AFAP1: variants seen among roughly 807,000 people sequenced by gnomAD.
AFAP1 encodes actin filament-associated protein 1.
In AFAP1, 75 loss-of-function variants were observed where a neutral mutation model predicts 93.9. The observed-to-expected ratio is 0.80, with a 90% CI of 0.66 to 0.97. AFAP1 has a LOEUF of 0.97. AFAP1 is among the 50% of genes least tolerant of loss of function. AFAP1 has a pLI of 0.00. For missense variants in AFAP1, 1,201 were observed against 1,050.8 expected (o/e 1.14, Z -1.98); for synonymous variants, 517 against 430.7 (o/e 1.20, Z -2.48).
intron 1 of AFAP1, among the ~76,000 whole-genome samples, chr4:7,884,557 A>G (rs1489630218): frequency 1.3e-5 from 2 of 152,232 alleles, no homozygotes; most frequent in Non-Finnish European, 2.9e-5. Context: ...AAGTCCAGTA[A>G]TAGACCCAAA....
At chr4:7,771,692 G>A (rs1340493472) in intron 16 of AFAP1, among the ~76,000 whole-genome samples, 2 of 152,200 alleles carry the variant, frequency 1.3e-5, no homozygotes, top group African/African-American at 4.8e-5. Flanking sequence ...TGGCCTGTGT[G>A]ACCCCAGAGC....
intron 9 of AFAP1, among the ~76,000 whole-genome samples, chr4:7,804,423 T>C (rs569224031): frequency 6.6e-6 from 1 of 152,196 alleles, no homozygotes; most frequent in South Asian, 2.1e-4. Flanking sequence ...TAATTTCTGC[T>C]CCAAATTCAA....
intron 4 of AFAP1, among the ~76,000 whole-genome samples, chr4:7,852,017 T>C (rs1433484471): frequency 6.6e-6 from 1 of 152,228 alleles, no homozygotes; most frequent in African/African-American, 2.4e-5. Flanking sequence ...TTCACTGATC[T>C]TGCCACAGAC....
intron 1 of AFAP1, among the ~76,000 whole-genome samples, chr4:7,903,995 GTGTT>G (rs1379911402): frequency 6.6e-6 from 1 of 150,790 alleles, no homozygotes; most frequent in African/African-American, 2.4e-5. Flanking sequence ...GAAAATGTGT[GTGTT>G]TATTTGGCTG....
rs533411865 is a variant in AFAP1 at position 7,809,782 on chromosome 4, G to A, written c.905-19C>T. On this transcript the variant is annotated intron_variant, in intron 8 of 17. Transcript: ENST00000420658. ...CTCTTCACTGTCAAGAGTAACAACA[G>A]CAAAAAAGCATGTTTTAATTGTAGA... is the stretch of plus-strand genomic sequence containing the variant. The A allele has an allele frequency of 8.2e-6, 13 of 1,589,044 alleles. No individual in the cohort carries two copies. In the African/African-American group the frequency reaches 1.1e-4, roughly 13 times the overall value.
intron 7 of AFAP1, among the ~76,000 whole-genome samples, chr4:7,817,651 A>G (rs1019313344): frequency 3.3e-5 from 5 of 152,138 alleles, no homozygotes; most frequent in Admixed American, 1.3e-4. Flanking sequence ...GGGCAGTTAC[A>G]TAAGTGATAA....
chr4:7,890,117 A>T lies in AFAP1; in HGVS notation c.-2-18037T>A, dbSNP rs142611262. Among the ~76,000 whole-genome samples the T allele has an allele frequency of 1.1e-3, 161 of 152,302 alleles. 1 individual carries two copies. The highest frequency in any genetic ancestry group is 3.8e-3 in the African/African-American group (158 of 41,570). ...GTGGAGAAAAAAAGAACAATGTTGG[A>T]ACACTTCTATTACCTAGCTTCAAGG... On this transcript the variant is annotated intron_variant, in intron 1 of 17. Coordinates refer to ENST00000420658, the MANE Select transcript of AFAP1 (RefSeq NM_001134647.2).
At chr4:7,872,684 G>A (rs1444286260) in intron 1 of AFAP1, among the ~76,000 whole-genome samples, 1 of 152,160 alleles carries the variant, frequency 6.6e-6, no homozygotes, top group African/African-American at 2.4e-5. Flanking sequence ...TGCTGGCTTA[G>A]GTCAGCAGTT....
At chr4:7,806,966 G>A (rs779052099) in intron 9 of AFAP1, among the ~76,000 whole-genome samples, 1 of 152,106 alleles carries the variant, frequency 6.6e-6, no homozygotes, top group Non-Finnish European at 1.5e-5. Flanking sequence ...CAGATCTTTC[G>A]GGGGAAGGGA....
rs1174306681 is a variant in AFAP1, at chr4:7,855,481, C to G, written c.319G>C (p.Glu107Gln). The change falls in exon 4 of 18, where the codon GAA (glutamate) becomes CAA (glutamine). Residue 107 changes from glutamate (E) to glutamine (Q), a missense_variant. By Grantham distance (29) the Glu-to-Gln change is conservative. Transcript: ENST00000420658. Reference protein sequence around the residue: ...AVPLSPGKAPEYITSNYDSDA... With the variant: ...AVPLSPGKAPQYITSNYDSDA... The stretch of plus-strand genomic sequence containing the variant: ...GGCCACTCACTTGATGTGATGTATT[C>G]CGGAGCTTTTCCGGGGCTCAGCGGC... 10 of 1,609,998 alleles carry G rather than the reference C, an allele frequency of 6.2e-6. No homozygotes were observed. The highest frequency in any genetic ancestry group is 8.5e-6 in the Non-Finnish European group (10 of 1,177,376).
chr4:7,868,654 T>A lies in AFAP1; in HGVS notation c.193A>T (p.Met65Leu), dbSNP rs765792182. 6.2e-7 allele frequency: 1 copy of A among 1,613,070 alleles called. No individual in the cohort carries two copies. Among genetic ancestry groups the A allele is most frequent in the South Asian group, 1.1e-5 (1 of 91,018 alleles). Residue 65 changes from methionine (M) to leucine (L), a missense_variant, in exon 3 of 18, where the codon ATG (methionine) becomes TTG (leucine). Met to Leu is a conservative substitution (Grantham distance 15). Transcript: ENST00000420658. ...TANSLPAPPQ[M>L]PLPEIPQPWL... The stretch of plus-strand genomic sequence containing the variant: ...GGCTGAGGGATCTCCGGCAGGGGCA[T>A]CTGAGGAGGGGCTGGCAGGCTGTTA...
intron 3 of AFAP1, among the ~76,000 whole-genome samples, chr4:7,855,860 T>C (rs1375868970): frequency 1.3e-5 from 2 of 152,176 alleles, no homozygotes; most frequent in Non-Finnish European, 1.5e-5. Context: ...CGACACAGAA[T>C]GCCCCTTCCC....
intron 1 of AFAP1, among the ~76,000 whole-genome samples, chr4:7,938,613 C>G (rs1280902956): frequency 6.6e-6 from 1 of 152,130 alleles, no homozygotes; most frequent in Non-Finnish European, 1.5e-5. Flanking sequence ...ACTGCCTTGG[C>G]CTCATTCCGT....
intron 13 of AFAP1, 57 bp from the exon 14 acceptor site, chr4:7,778,933 G>C (rs1397287983): frequency 2.2e-6 from 3 of 1,340,640 alleles, no homozygotes; most frequent in East Asian, 2.3e-5. Context: ...AACAAATCTT[G>C]GTCTTTTTTT....
Position 7,809,678 on chromosome 4 carries a change from C to T in AFAP1, c.990G>A (p.Leu330=). Residue 330 remains leucine, a synonymous_variant, in exon 9 of 18, where the codon CTG becomes CTA. Transcript: ENST00000420658. ...TGKKITKIIS[L]GKKKPSTDEQ... ...CGTCTGTGGACGGCTTTTTCTTTCC[C>T]AGACTGATGATCTTGGTGATTTTTT... The T allele has an allele frequency of 6.2e-7, 1 of 1,614,064 alleles. No homozygotes were observed. Among genetic ancestry groups the T allele is most frequent in the African/African-American group, 1.3e-5 (1 of 75,038 alleles).
rs1715909435 is a variant in AFAP1, at chr4:7,774,708, C to T, written c.2062+31G>A. The T allele has an allele frequency of 3.7e-6, 6 of 1,606,784 alleles. No homozygotes were observed. The South Asian group carries it at 5.6e-5, about 15-fold the overall frequency. On this transcript the variant is annotated intron_variant, in intron 15 of 17. Coordinates refer to ENST00000420658, the MANE Select transcript of AFAP1 (RefSeq NM_001134647.2). Reference sequence around the variant, plus strand: ...ATCTCCAGTCTCTAATACAAACATGCACCCTGGGCAGTCACCCACACCCTT... The same window carrying T: ...ATCTCCAGTCTCTAATACAAACATGTACCCTGGGCAGTCACCCACACCCTT...
intron 1 of AFAP1, among the ~76,000 whole-genome samples, chr4:7,904,454 C>T (rs1719286677): frequency 6.6e-6 from 1 of 152,166 alleles, no homozygotes; most frequent in African/African-American, 2.4e-5. Context: ...CATTAGCGTT[C>T]TTTTTCCTCT....
At chr4:7,791,562 A>G (rs1717855644) in intron 11 of AFAP1, among the ~76,000 whole-genome samples, 1 of 152,160 alleles carries the variant, frequency 6.6e-6, no homozygotes, top group African/African-American at 2.4e-5. Flanking sequence ...TATTCACTTA[A>G]AAGTAGCATC....
intron 1 of AFAP1, among the ~76,000 whole-genome samples, chr4:7,889,975 T>A: frequency 9.3e-6 from 1 of 107,116 alleles, no homozygotes; most frequent in African/African-American, 3.6e-5. Flanking sequence ...CAACACAATC[T>A]CAATCAAGAT....
Sources: gnomAD v4.1 joint callset for allele counts (sites outside exome capture counted in the v4.1 genomes callset) on GRCh38, gnomAD v4.1.1 for gene constraint, MANE v1.5 for transcripts, NCBI Gene and HGNC (gene_info 2026-07-23, HGNC 2026-07-21) for gene names.